The following KALRN variants were observed in gnomAD, a reference collection of about 807,000 sequenced individuals.
KALRN encodes kalirin.
Under a neutral mutation model 353.7 loss-of-function variants are expected in KALRN, and 70 were observed. That is an observed-to-expected ratio of 0.20 (90% CI 0.16 to 0.24). The LOEUF (loss-of-function observed/expected upper bound fraction) is 0.24. Ranked by LOEUF, KALRN falls within the 10% of genes least tolerant of loss-of-function variation. The probability of loss-of-function intolerance (pLI) is 1.00; values close to 1 mark genes in which losing one functional copy is unlikely to be tolerated. For missense variants in KALRN, 2,791 were observed against 3,756.7 expected (o/e 0.74, Z 6.72); for synonymous variants, 1,391 against 1,434.8 (o/e 0.97, Z 0.69).
chr3:124,242,808 G>A (rs7638895), intron 3 of KALRN, among the ~76,000 whole-genome samples: 52,140 of 151,932 alleles, frequency 0.34, 9,686 homozygotes, highest in African/African-American at 0.48. Flanking sequence ...TGGTGGTGTT[G>A]GGGTCCTTCA....
At chr3:124,421,821 T>G (rs1193969786) in intron 14 of KALRN, among the ~76,000 whole-genome samples, 3 of 152,108 alleles carry the variant, frequency 2.0e-5, no homozygotes, top group East Asian at 1.9e-4. Flanking sequence ...ACTGGCATGG[T>G]GAAGAGAGGA....
At chr3:124,150,363 T>G (rs1051156760) in intron 1 of KALRN, among the ~76,000 whole-genome samples, 1 of 152,188 alleles carries the variant, frequency 6.6e-6, no homozygotes, top group Admixed American at 6.5e-5. Flanking sequence ...ATTTTCTTTT[T>G]TTTTCTTAAG....
chr3:124,677,634 T>C, intron 49 of KALRN: 2 of 456,024 alleles, frequency 4.4e-6, no homozygotes, highest in Non-Finnish European at 8.8e-6. Flanking sequence ...CAACTGTTTA[T>C]TAAGCAAATG....
At chr3:124,517,015 A>G (rs2066673501) in intron 33 of KALRN, among the ~76,000 whole-genome samples, 1 of 152,028 alleles carries the variant, frequency 6.6e-6, no homozygotes, top group African/African-American at 2.4e-5. Context: ...ACGGGGTTTC[A>G]CTGTGTTGGC....
At chr3:124,301,363 G>T (rs1266745243) in intron 6 of KALRN, among the ~76,000 whole-genome samples, 1 of 152,194 alleles carries the variant, frequency 6.6e-6, no homozygotes, top group Non-Finnish European at 1.5e-5. Flanking sequence ...ACTGGAGAGA[G>T]AAGAGAAGAG....
chr3:124,713,822 T>A (rs372083034), intron 58 of KALRN, among the ~76,000 whole-genome samples: 1 of 152,198 alleles, frequency 6.6e-6, no homozygotes, highest in African/African-American at 2.4e-5. Context: ...ACTGAGGCCC[T>A]TGGCCTAGAC....
chr3:124,166,961 T>C (rs1459670878), intron 1 of KALRN, among the ~76,000 whole-genome samples: 1 of 152,056 alleles, frequency 6.6e-6, no homozygotes, highest in Non-Finnish European at 1.5e-5. Flanking sequence ...AGGAGAATCA[T>C]TTGAATCTGG....
chr3:124,443,438 T>C (rs541853775), intron 19 of KALRN, among the ~76,000 whole-genome samples: 7 of 151,826 alleles, frequency 4.6e-5, no homozygotes, highest in Non-Finnish European at 1.0e-4. Context: ...AGCTCAAGAG[T>C]TGGAGAGAAC....
intron 1 of KALRN, among the ~76,000 whole-genome samples, chr3:124,103,367 C>A (rs980432181): frequency 2.0e-5 from 3 of 152,120 alleles, no homozygotes; most frequent in Non-Finnish European, 4.4e-5. Context: ...AGGGCCTGTT[C>A]TGTGGTGGCA....
At chr3:124,494,875 T>A (rs1290077298) in intron 32 of KALRN, among the ~76,000 whole-genome samples, 3 of 152,184 alleles carry the variant, frequency 2.0e-5, no homozygotes, top group African/African-American at 7.2e-5. Context: ...ATGCCATTAC[T>A]TCTCCACAAG....
At chr3:124,055,912 C>T (rs1282306359) in intron 1 of KALRN, among the ~76,000 whole-genome samples, 1 of 152,184 alleles carries the variant, frequency 6.6e-6, no homozygotes, top group African/African-American at 2.4e-5. Flanking sequence ...ACCCAGGTAC[C>T]CACCTTATTC....
At chr3:124,281,673 C>G (rs906011008) in intron 5 of KALRN, among the ~76,000 whole-genome samples, 2 of 152,210 alleles carry the variant, frequency 1.3e-5, no homozygotes, top group East Asian at 3.9e-4. Flanking sequence ...TTTCCTGCAG[C>G]CCTTATCCAT....
chr3:124,670,350 C>A (rs2086246432), intron 47 of KALRN, among the ~76,000 whole-genome samples: 1 of 152,188 alleles, frequency 6.6e-6, no homozygotes, highest in South Asian at 2.1e-4. Context: ...ATACAGTGGG[C>A]TGACTGTATT....
At chr3:124,616,564 T>TG (rs1423334743) in intron 34 of KALRN, among the ~76,000 whole-genome samples, 1 of 152,202 alleles carries the variant, frequency 6.6e-6, no homozygotes, top group Non-Finnish European at 1.5e-5. Context: ...ATGTTCCCTC[T>TG]GGGGTCATCA....
intron 1 of KALRN, among the ~76,000 whole-genome samples, chr3:124,209,128 G>T (rs2076682904): frequency 6.6e-6 from 1 of 151,962 alleles, no homozygotes; most frequent in South Asian, 2.1e-4. Context: ...TATGAGTTTG[G>T]TGTTATTAGC....
At chr3:124,635,380 T>C (rs1213308641) in intron 36 of KALRN, among the ~76,000 whole-genome samples, 1 of 152,202 alleles carries the variant, frequency 6.6e-6, no homozygotes, top group Non-Finnish European at 1.5e-5. Context: ...AAACACAGCT[T>C]GTTTACAGAA....
chr3:124,566,226 C>T lies in KALRN; in HGVS notation c.5182+3137C>T, dbSNP rs548973051. On this transcript the variant is annotated intron_variant, in intron 34 of 59. Coordinates refer to ENST00000682506, the MANE Select transcript of KALRN (RefSeq NM_001388419.1). The stretch of plus-strand genomic sequence containing the variant: ...CAGTCAAGGACCTAAGTCGGCCAGG[C>T]GCAGTGGCTCACTCCTGTAATCCCA... Among the ~76,000 whole-genome samples the T allele has an allele frequency of 2.1e-3, 320 of 152,262 alleles. 4 individuals are homozygous for T. The highest frequency in any genetic ancestry group is 7.2e-3 in the African/African-American group (301 of 41,544).
chr3:124,189,268 T>C (rs1414098282), intron 1 of KALRN, among the ~76,000 whole-genome samples: 1 of 152,178 alleles, frequency 6.6e-6, no homozygotes, highest in East Asian at 1.9e-4. Context: ...CCAGGGAAGA[T>C]TGAACATGCC....
intron 34 of KALRN, among the ~76,000 whole-genome samples, chr3:124,563,867 T>C (rs577579525): frequency 6.6e-6 from 1 of 152,118 alleles, no homozygotes; most frequent in South Asian, 2.1e-4. Context: ...AGGCGGCACA[T>C]ACCTGTAGTC....
Sources: allele counts gnomAD v4.1 joint callset (sites outside exome capture counted in the v4.1 genomes callset), GRCh38; gene constraint gnomAD v4.1.1; transcripts MANE v1.5; gene names NCBI Gene and HGNC (gene_info 2026-07-23, HGNC 2026-07-21).